UTP6: variants seen among roughly 807,000 people sequenced by gnomAD.
The protein encoded by UTP6 is UTP6 small subunit processome component.
A neutral mutation model predicts 96.5 loss-of-function variants in UTP6; 60 were observed. The ratio of observed to expected loss-of-function variants is 0.62; its 90% CI spans 0.51 to 0.77. The LOEUF (loss-of-function observed/expected upper bound fraction) is 0.77, where lower values mean the gene tolerates loss of function less well. Among genes scored for constraint, UTP6 ranks in the 30% least tolerant of loss-of-function variants. The pLI, the probability that UTP6 is intolerant of heterozygous loss-of-function variation, is 0.00. For missense variants in UTP6, 637 were observed against 706.5 expected (o/e 0.90, Z 1.12); for synonymous variants, 215 against 240.1 (o/e 0.90, Z 0.96).
At chr17:31,890,810 A>G (rs537317168) in intron 6 of UTP6, among the ~76,000 whole-genome samples, 1 of 150,854 alleles carries the variant, frequency 6.6e-6, no homozygotes, top group Non-Finnish European at 1.5e-5. Context: ...AACATGGCGA[A>G]ACCCCATCTC....
chr17:31,874,578 GT>G (rs1361322020), intron 14 of UTP6, among the ~76,000 whole-genome samples: 1 of 151,748 alleles, frequency 6.6e-6, no homozygotes, highest in East Asian at 1.9e-4. Context: ...ATGAGCAGTA[GT>G]TTTTTTCCTA....
chr17:31,880,371 A>T (rs546370545), intron 11 of UTP6: 1 of 565,966 alleles, frequency 1.8e-6, no homozygotes, highest in East Asian at 3.4e-5. Context: ...CAGTGAGCCG[A>T]AATCGAGCCA....
rs1214163135 is a variant in UTP6 at position 31,884,426 on chromosome 17, A to G, written c.783T>C (p.Asp261=). The G allele has an allele frequency of 1.3e-5, 21 of 1,608,056 alleles. No individual in the cohort carries two copies. Among genetic ancestry groups the G allele is most frequent in the Non-Finnish European group, 1.8e-5 (21 of 1,176,980 alleles). The change falls in exon 10 of 19, where the codon GAT becomes GAC. Residue 261 remains aspartate (D), a splice_region_variant and synonymous_variant. Coordinates refer to ENST00000261708, the MANE Select transcript of UTP6 (RefSeq NM_018428.3). ...ACCTTTCTACTAACTTTACTTACTC[A>G]TCATAAATCTCTTTTTGTAGATCTT... ...FAKDLQKEIY[D]DLQALHTDDP...
intron 6 of UTP6, among the ~76,000 whole-genome samples, chr17:31,891,405 T>C (rs1441771729): frequency 6.6e-6 from 1 of 152,190 alleles, no homozygotes; most frequent in Non-Finnish European, 1.5e-5. Context: ...AGAAGGAACA[T>C]ACCTAAGGCT....
Position 31,889,344 on chromosome 17 carries a change from T to C in UTP6, c.484A>G (p.Arg162Gly), listed in dbSNP as rs758970653. 6.2e-7 allele frequency: 1 copy of C among 1,613,862 alleles called. No individual in the cohort carries two copies. Among genetic ancestry groups the C allele is most frequent in the African/African-American group, 1.3e-5 (1 of 74,950 alleles). Reference sequence around the variant, plus strand: ...CGCAGTGCGCGAAGAAATAGTTGCCTTGCGCTTTCTGAAGACAATCGATCT... The same window carrying C: ...CGCAGTGCGCGAAGAAATAGTTGCCCTGCGCTTTCTGAAGACAATCGATCT... Reference protein sequence around the residue: ...MEDRLSSESARQLFLRALRFH... With the variant: ...MEDRLSSESAGQLFLRALRFH... The change falls in exon 7 of 19, where the codon AGG (arginine) becomes GGG (glycine). Residue 162 changes from arginine to glycine, a missense_variant. Transcript: ENST00000261708.
At position 31,863,370 on chromosome 17, in the gene UTP6, C is replaced by T. The variant is rs1022754946; in HGVS notation, c.1783G>A (p.Gly595Ser). Residue 595 changes from glycine to serine, a missense_variant, in exon 19 of 19, where the codon GGC (glycine) becomes AGC (serine). Gly to Ser is a moderately conservative substitution (Grantham distance 56, BLOSUM62 0). Transcript: ENST00000261708. ...FVAKHAMHQT[G>S]HL ...TGTATTCTTCATCTTCATAAATGGCCAGTCTGATGCATAGCATGTTTAGCT... is the reference window on the plus strand; with the variant it reads ...TGTATTCTTCATCTTCATAAATGGCTAGTCTGATGCATAGCATGTTTAGCT... 6.2e-7 allele frequency: 1 copy of T among 1,612,280 alleles called. No individual in the cohort carries two copies. The highest frequency in any genetic ancestry group is 8.5e-7 in the Non-Finnish European group (1 of 1,179,582).
chr17:31,878,679 C>T (rs995454961), intron 12 of UTP6, 23 bp downstream of exon 12: 5 of 1,608,042 alleles, frequency 3.1e-6, no homozygotes, highest in Admixed American at 1.7e-5. Context: ...TAGTCAACCA[C>T]TGTAACCATG....
At chr17:31,868,273 G>A (rs16967029) in intron 16 of UTP6, among the ~76,000 whole-genome samples, 161 bp from the exon 17 acceptor site, 13,605 of 148,052 alleles carry the variant, frequency 0.092, 676 homozygotes, top group East Asian at 0.17. Context: ...TCATTCTCAC[G>A]ATTCTATGAC....
chr17:31,868,175 T>C, intron 16 of UTP6, 63 bp from the exon 17 acceptor site: 1 of 1,485,710 alleles, frequency 6.7e-7, no homozygotes, highest in Non-Finnish European at 9.3e-7. Context: ...ATCTCATAAC[T>C]GTAAATACCG....
At chr17:31,893,076 G>A (rs1567792203) in intron 4 of UTP6, among the ~76,000 whole-genome samples, 2 of 152,010 alleles carry the variant, frequency 1.3e-5, no homozygotes, top group African/African-American at 2.4e-5. Context: ...TTCAAAACCA[G>A]CCTGTCAAAT....
At chr17:31,880,440 AAG>A in intron 11 of UTP6, 131 bp downstream of exon 11, 1 of 1,106,058 alleles carries the variant, frequency 9.0e-7, no homozygotes, top group Non-Finnish European at 1.3e-6. Flanking sequence ...AAAAAAAAAA[AAG>A]GCCAGGCTCA....
rs558735761 is a variant in UTP6 at position 31,892,355 on chromosome 17, C to T, written c.361-32G>A. ...AAAAGGAAAATATTTCTACTTCCTG[C>T]ACAGATAAATCATTGATCTTACTCT... On this transcript the variant is annotated intron_variant, in intron 5 of 18. Transcript: ENST00000261708. The T allele has an allele frequency of 1.6e-4, 253 of 1,591,348 alleles. 2 individuals are homozygous for T. In the South Asian group the frequency reaches 2.7e-3, roughly 17 times the overall value.
intron 2 of UTP6, among the ~76,000 whole-genome samples, chr17:31,899,207 G>A (rs1029812110): frequency 6.6e-6 from 1 of 152,104 alleles, no homozygotes; most frequent in African/African-American, 2.4e-5. Flanking sequence ...TGAGGTGGGA[G>A]GATGGCTTCA....
intron 2 of UTP6, among the ~76,000 whole-genome samples, chr17:31,899,062 G>T (rs1438082947): frequency 6.6e-6 from 1 of 151,956 alleles, no homozygotes; most frequent in Non-Finnish European, 1.5e-5. Flanking sequence ...GTAAGGCTGG[G>T]CCCGGTGGCT....
intron 2 of UTP6, among the ~76,000 whole-genome samples, chr17:31,899,315 A>G (rs900547225): frequency 5.3e-5 from 8 of 152,196 alleles, no homozygotes; most frequent in African/African-American, 1.9e-4. Flanking sequence ...TAATGAAATT[A>G]TTAATTATTG....
intron 9 of UTP6, among the ~76,000 whole-genome samples, 156 bp from the exon 10 acceptor site, chr17:31,884,661 C>A (rs1353559409): frequency 6.6e-6 from 1 of 152,072 alleles, no homozygotes; most frequent in East Asian, 1.9e-4. Flanking sequence ...AGTCCCCTCA[C>A]CCCAGTGTCC....
intron 9 of UTP6, 23 bp from the exon 10 acceptor site, chr17:31,884,528 G>A (rs1426159960): frequency 1.3e-6 from 2 of 1,591,746 alleles, no homozygotes; most frequent in Non-Finnish European, 1.7e-6. Flanking sequence ...AGCAGGGGAG[G>A]GGAAGTTTAT....
Position 31,873,766 on chromosome 17 carries a change from TA to T in UTP6, c.1306-14del. ...ATGGCAGACAAACCTACTCCCAGTTTAAAAAATGTTAGTTAGAGAACAGCAT... is the reference window on the plus strand; with the variant it reads ...ATGGCAGACAAACCTACTCCCAGTTTAAAAATGTTAGTTAGAGAACAGCAT... On this transcript the variant is annotated splice_polypyrimidine_tract_variant and intron_variant, in intron 14 of 18. Transcript: ENST00000261708. 2 of 1,600,668 alleles carry T rather than the reference TA, an allele frequency of 1.2e-6. No homozygotes were observed. The highest frequency in any genetic ancestry group is 1.7e-6 in the Non-Finnish European group (2 of 1,177,096).
intron 14 of UTP6, 96 bp from the exon 15 acceptor site, chr17:31,873,849 T>C: frequency 7.3e-7 from 1 of 1,366,098 alleles, no homozygotes; most frequent in Admixed American, 2.5e-5. Flanking sequence ...ATCAATTTTT[T>C]TATGCTATAA....
Sources: gnomAD v4.1 joint callset for allele counts (sites outside exome capture counted in the v4.1 genomes callset) on GRCh38, gnomAD v4.1.1 for gene constraint, MANE v1.5 for transcripts, NCBI Gene and HGNC (gene_info 2026-07-23, HGNC 2026-07-21) for gene names.